Variants in UGGT1 observed in about 807,000 individuals in gnomAD.
The protein encoded by UGGT1 is UDP-glucose glycoprotein glucosyltransferase 1, also known as UDP-glucose:glycoprotein glucosyltransferase 1.
A neutral mutation model predicts 203.9 loss-of-function variants in UGGT1; 107 were observed. The ratio of observed to expected loss-of-function variants is 0.52; its 90% CI spans 0.45 to 0.62. UGGT1 has a LOEUF of 0.62. Among genes scored for constraint, UGGT1 ranks in the 20% least tolerant of loss-of-function variants. The pLI is 0.00. For missense variants in UGGT1, 1,673 were observed against 1,867.2 expected (o/e 0.90, Z 1.92); for synonymous variants, 628 against 653.5 (o/e 0.96, Z 0.59).
At chr2:128,132,036 GCT>G in intron 13 of UGGT1, among the ~76,000 whole-genome samples, 1 of 152,202 alleles carries the variant, frequency 6.6e-6, no homozygotes, top group African/African-American at 2.4e-5. Context: ...AGTTCTCTTT[GCT>G]CTATATCTTT....
chr2:128,115,062 C>G, intron 6 of UGGT1, 62 bp from the exon 7 acceptor site: 1 of 1,454,010 alleles, frequency 6.9e-7, no homozygotes, highest in Non-Finnish European at 9.7e-7. Flanking sequence ...ATGGTCATGC[C>G]ATGTACACTG....
intron 5 of UGGT1, 151 bp from the exon 6 acceptor site, chr2:128,112,933 T>G: frequency 1.6e-6 from 1 of 628,414 alleles, no homozygotes; most frequent in Non-Finnish European, 2.4e-6. Flanking sequence ...GTAATCTTAG[T>G]AAGTGAAAAA....
At chr2:128,183,255 G>A (rs1476487378) in intron 37 of UGGT1, among the ~76,000 whole-genome samples, 1 of 152,218 alleles carries the variant, frequency 6.6e-6, no homozygotes, top group Non-Finnish European at 1.5e-5. Context: ...CTGGGGTTTA[G>A]TGATGGTGGC....
chr2:128,169,554 A>G (rs1175574440), intron 26 of UGGT1, among the ~76,000 whole-genome samples: 1 of 152,242 alleles, frequency 6.6e-6, no homozygotes, highest in Admixed American at 6.5e-5. Flanking sequence ...CATGTCTAGC[A>G]CTTCCTTGAC....
At position 128,137,536 on chromosome 2, in the gene UGGT1, G is replaced by A. The variant is rs191763518; in HGVS notation, c.1584-1181G>A. ...ATTCTGTTAATAGTATCTTTCACAGGGCAGACATTTTTAATTTTAGTGAAG... is the reference window on the plus strand; with the variant it reads ...ATTCTGTTAATAGTATCTTTCACAGAGCAGACATTTTTAATTTTAGTGAAG... On this transcript the variant is annotated intron_variant, in intron 15 of 40. Coordinates refer to ENST00000259253, the MANE Select transcript of UGGT1 (RefSeq NM_020120.4). 1.6e-4 allele frequency among the ~76,000 whole-genome samples: 25 copies of A among 152,238 alleles called. No homozygotes were observed. The East Asian group carries it at 3.1e-3, about 19-fold the overall frequency.
intron 37 of UGGT1, 81 bp downstream of exon 37, chr2:128,182,371 A>C (rs1691737791): frequency 6.8e-7 from 1 of 1,469,290 alleles, no homozygotes; most frequent in African/African-American, 1.4e-5. Context: ...GTGAATAGGT[A>C]ATACATTGGT....
intron 8 of UGGT1, 121 bp from the exon 9 acceptor site, chr2:128,120,235 T>C: frequency 3.7e-6 from 3 of 801,342 alleles, no homozygotes; most frequent in Non-Finnish European, 6.1e-6. Context: ...TTTCCCCCTA[T>C]GTCGTAGAAA....
In UGGT1 at chr2:128,195,186, G is replaced by A. The variant is rs1692458864; in HGVS notation, c.*5444G>A. 1 of 152,296 alleles carries A rather than the reference G, an allele frequency of 6.6e-6. No homozygotes were observed. The highest frequency in any genetic ancestry group is 2.1e-4 in the South Asian group (1 of 4,836). The allele number at this position is 152,296 out of a possible 1,614,324, so 9.4% of individuals were successfully genotyped here. A position where few individuals can be genotyped will look rare whatever the true frequency, so the allele number is the denominator to read the frequency against. On this transcript the variant is annotated 3_prime_UTR_variant, in exon 41 of 41. Coordinates refer to ENST00000259253, the MANE Select transcript of UGGT1 (RefSeq NM_020120.4). ...ATTTGCAAGCAAAAGGTCCTCTCCT[G>A]AGTCTTTCCCAGATACCCAGCAGTG... is the stretch of plus-strand genomic sequence containing the variant.
intron 13 of UGGT1, among the ~76,000 whole-genome samples, chr2:128,132,421 G>A: frequency 6.6e-6 from 1 of 152,036 alleles, no homozygotes; most frequent in East Asian, 1.9e-4. Flanking sequence ...GTTGGTGGGT[G>A]CCTGTAATTC....
At chr2:128,178,046 TCA>T in intron 33 of UGGT1, 126 bp downstream of exon 33, 1 of 775,096 alleles carries the variant, frequency 1.3e-6, no homozygotes. Flanking sequence ...CAGCTACATC[TCA>T]CACTTATATT....
intron 15 of UGGT1, 56 bp from the exon 16 acceptor site, chr2:128,138,661 T>G: frequency 1.9e-6 from 3 of 1,584,452 alleles, no homozygotes; most frequent in Non-Finnish European, 2.6e-6. Flanking sequence ...TGTCATTCTT[T>G]TTAACCATTT....
At chr2:128,179,124 T>A (rs1185176403) in intron 34 of UGGT1, among the ~76,000 whole-genome samples, 1 of 152,066 alleles carries the variant, frequency 6.6e-6, no homozygotes, top group Non-Finnish European at 1.5e-5. Context: ...GAGAGTCACT[T>A]TTCTCATTGC....
rs778854362 is a variant in UGGT1 at position 128,155,484 on chromosome 2, C to T, written c.2138-5C>T. 1 of 1,607,440 alleles carries T rather than the reference C, an allele frequency of 6.2e-7. No individual in the cohort carries two copies. Among genetic ancestry groups the T allele is most frequent in the Non-Finnish European group, 8.5e-7 (1 of 1,176,282 alleles). The stretch of plus-strand genomic sequence containing the variant: ...AATATATACGTATTTCATTTTTTCT[C>T]CCAGATAACTTCTTTGTGGATGATT... On this transcript the variant is annotated splice_polypyrimidine_tract_variant and splice_region_variant and intron_variant, in intron 19 of 40. Coordinates refer to ENST00000259253, the MANE Select transcript of UGGT1 (RefSeq NM_020120.4).
chr2:128,146,068 G>T, intron 18 of UGGT1, 101 bp downstream of exon 18: 2 of 1,404,378 alleles, frequency 1.4e-6, no homozygotes. Context: ...CACTATTTGG[G>T]AGGCTGAGGC....
intron 11 of UGGT1, among the ~76,000 whole-genome samples, chr2:128,126,398 G>A (rs1353389602): frequency 1.3e-5 from 2 of 151,588 alleles, no homozygotes; most frequent in African/African-American, 4.9e-5. Flanking sequence ...CTGCCACCAC[G>A]CCCAGCTAAT....
At chr2:128,168,272 G>T (rs1690896386) in intron 26 of UGGT1, among the ~76,000 whole-genome samples, 1 of 152,182 alleles carries the variant, frequency 6.6e-6, no homozygotes, top group Admixed American at 6.5e-5. Context: ...AGTTGTATTA[G>T]AGTAACAGAA....
chr2:128,105,656 A>T (rs1450382029), intron 3 of UGGT1, among the ~76,000 whole-genome samples: 1 of 151,992 alleles, frequency 6.6e-6, no homozygotes. Context: ...CTGGGATTAC[A>T]GGTGCCCACC....
intron 27 of UGGT1, among the ~76,000 whole-genome samples, 186 bp downstream of exon 27, chr2:128,170,576 A>G (rs759078633): frequency 6.6e-6 from 1 of 152,246 alleles, no homozygotes; most frequent in Non-Finnish European, 1.5e-5. Context: ...ACAGCCCTAG[A>G]AAGTTGGTGC....
intron 21 of UGGT1, 139 bp downstream of exon 21, chr2:128,156,554 AATT>A: frequency 3.7e-6 from 2 of 538,720 alleles, no homozygotes; most frequent in Non-Finnish European, 6.1e-6. Context: ...CAATGTAGAT[AATT>A]TTTTTTTTTT....
Sources: allele counts gnomAD v4.1 joint callset (sites outside exome capture counted in the v4.1 genomes callset), GRCh38; gene constraint gnomAD v4.1.1; transcripts MANE v1.5; gene names NCBI Gene and HGNC (gene_info 2026-07-23, HGNC 2026-07-21).